Variants in RORA observed in about 807,000 individuals in gnomAD.
The protein encoded by RORA is nuclear receptor ROR-alpha.
A neutral mutation model predicts 69.5 loss-of-function variants in RORA; 7 were observed. That is an observed-to-expected ratio of 0.10 (90% CI 0.06 to 0.19). RORA has a LOEUF of 0.19. Among genes scored for constraint, RORA ranks in the 10% least tolerant of loss-of-function variants. The pLI, the probability that RORA is intolerant of heterozygous loss-of-function variation, is 1.00. For synonymous variants in RORA, 261 were observed against 240.8 expected (o/e 1.08, Z -0.78); for missense variants, 457 against 663.0 (o/e 0.69, Z 3.41).
At chr15:61,141,163 A>G (rs1425800092) in intron 1 of RORA, among the ~76,000 whole-genome samples, 1 of 152,220 alleles carries the variant, frequency 6.6e-6, no homozygotes, top group African/African-American at 2.4e-5. Context: ...TATTTCAGAG[A>G]TATATTTATA....
At chr15:60,875,857 CAGG>C (rs1162828402) in intron 1 of RORA, among the ~76,000 whole-genome samples, 1 of 152,172 alleles carries the variant, frequency 6.6e-6, no homozygotes, top group East Asian at 1.9e-4. Context: ...AGAACGCCTG[CAGG>C]AGGTTAAACA....
chr15:60,494,973 C>G lies in RORA; in HGVS notation c.*2482G>C, dbSNP rs1315473413. Reference sequence around the variant, plus strand: ...TCGACACTGGAATTAGGTTTAGTTGCTCTTTAATGCGCTAGCACCTGAGGC... The same window carrying G: ...TCGACACTGGAATTAGGTTTAGTTGGTCTTTAATGCGCTAGCACCTGAGGC... On this transcript the variant is annotated 3_prime_UTR_variant, in exon 11 of 11. Coordinates refer to ENST00000335670, the MANE Select transcript of RORA (RefSeq NM_134261.3). 6.6e-6 allele frequency: 1 copy of G among 152,152 alleles called. No individual in the cohort carries two copies. The highest frequency in any genetic ancestry group is 1.5e-5 in the Non-Finnish European group (1 of 68,030). 9.4% of individuals were successfully genotyped at this position (152,152 alleles called of 1,614,324 possible).
chr15:60,767,745 A>G (rs1229604453), intron 1 of RORA, among the ~76,000 whole-genome samples: 1 of 152,034 alleles, frequency 6.6e-6, no homozygotes, highest in African/African-American at 2.4e-5. Flanking sequence ...TGTACCTGCA[A>G]ACTCCCTTCT....
In RORA at chr15:60,497,091, CTG is replaced by C. The variant is rs930697266; in HGVS notation, c.*362_*363del. 3.9e-5 allele frequency: 7 copies of C among 177,478 alleles called. No individual in the cohort carries two copies. The highest frequency in any genetic ancestry group is 1.7e-4 in the African/African-American group (7 of 42,296). The allele number at this position is 177,478 out of a possible 1,614,324, so 11.0% of individuals were successfully genotyped here. A position where few individuals can be genotyped will look rare whatever the true frequency, so the allele number is the denominator to read the frequency against. The stretch of plus-strand genomic sequence containing the variant: ...CAGTCACCGATTATTGCTGGACTCT[CTG>C]TTGTTACTGACAGATTGGTGACTCT... On this transcript the variant is annotated 3_prime_UTR_variant, in exon 11 of 11. Coordinates refer to ENST00000335670, the MANE Select transcript of RORA (RefSeq NM_134261.3).
chr15:61,055,295 G>A (rs1046250364), intron 1 of RORA, among the ~76,000 whole-genome samples: 2 of 151,944 alleles, frequency 1.3e-5, no homozygotes, highest in African/African-American at 2.4e-5. Context: ...ACGTTTTTGA[G>A]GGCTGCTTTT....
At chr15:61,135,792 T>G (rs548740073) in intron 1 of RORA, among the ~76,000 whole-genome samples, 2 of 152,310 alleles carry the variant, frequency 1.3e-5, no homozygotes, top group Admixed American at 1.3e-4. Context: ...CGAGCATCAC[T>G]GACAGCCAAA....
At chr15:60,906,076 A>G (rs887010066) in intron 1 of RORA, among the ~76,000 whole-genome samples, 66 of 152,194 alleles carry the variant, frequency 4.3e-4, no homozygotes, top group African/African-American at 1.5e-3. Flanking sequence ...AGTTGGGAAG[A>G]TTTTTATACT....
At chr15:60,546,914 G>T (rs1214049696) in intron 2 of RORA, among the ~76,000 whole-genome samples, 5 of 152,102 alleles carry the variant, frequency 3.3e-5, no homozygotes, top group Non-Finnish European at 7.4e-5. Context: ...ATTTTCCCTC[G>T]TGTTGTCCCT....
At chr15:60,692,150 C>T (rs567200412) in intron 1 of RORA, among the ~76,000 whole-genome samples, 1 of 152,296 alleles carries the variant, frequency 6.6e-6, no homozygotes, top group Admixed American at 6.5e-5. Flanking sequence ...GTCAGCATGC[C>T]ATTCCCATTG....
chr15:60,704,816 T>C (rs1193195173), intron 1 of RORA, among the ~76,000 whole-genome samples: 1 of 152,178 alleles, frequency 6.6e-6, no homozygotes, highest in South Asian at 2.1e-4. Context: ...TTGTACAATA[T>C]TGGCTTGAAG....
In RORA at chr15:61,138,851, T is replaced by A. The variant is rs1019215848; in HGVS notation, c.166+90202A>T. Among the ~76,000 whole-genome samples the A allele has an allele frequency of 1.1e-4, 16 of 151,650 alleles. No homozygotes were observed. The East Asian group carries it at 1.4e-3, about 13-fold the overall frequency. ...ATAAAATAAAAAAATAAATTAAATT[T>A]AAAAAAAACACAGGCCGGGCGCAGT... On this transcript the variant is annotated intron_variant, in intron 1 of 10. Transcript: ENST00000335670.
At chr15:60,561,144 C>T (rs568951800) in intron 2 of RORA, among the ~76,000 whole-genome samples, 5 of 147,174 alleles carry the variant, frequency 3.4e-5, no homozygotes, top group East Asian at 2.0e-4. Flanking sequence ...TGCAGTGGCG[C>T]GATCTCGGCT....
At chr15:60,912,345 C>T (rs543964441) in intron 1 of RORA, among the ~76,000 whole-genome samples, 11 of 152,070 alleles carry the variant, frequency 7.2e-5, no homozygotes, top group Admixed American at 2.6e-4. Flanking sequence ...TCGCTTGAGC[C>T]CACGAGTTCA....
At chr15:60,986,815 C>T (rs3803483) in intron 1 of RORA, among the ~76,000 whole-genome samples, 9,773 of 152,252 alleles carry the variant, frequency 0.064, 446 homozygotes, top group African/African-American at 0.12. Context: ...TGTAGAAGTA[C>T]GGACCAACTT....
rs115863567 is a variant in RORA, at chr15:60,866,898, C to T, written c.167-188212G>A. ...TATCTAGTTTCGAGTCAGAATCTTG[C>T]TCTGTCATCCAGGCTGGAGGGCAGT... is the stretch of plus-strand genomic sequence containing the variant. On this transcript the variant is annotated intron_variant, in intron 1 of 10. Transcript: ENST00000335670. Among the ~76,000 whole-genome samples the T allele has an allele frequency of 3.8e-3, 577 of 151,932 alleles. 9 individuals are homozygous for T. The highest frequency in any genetic ancestry group is 0.013 in the African/African-American group (556 of 41,434).
chr15:60,539,493 G>C (rs1475133449), intron 2 of RORA, among the ~76,000 whole-genome samples: 1 of 152,168 alleles, frequency 6.6e-6, no homozygotes, highest in Non-Finnish European at 1.5e-5. Flanking sequence ...TTTAGATCCA[G>C]TTCTCTCTAG....
intron 1 of RORA, among the ~76,000 whole-genome samples, chr15:60,995,041 G>A (rs780914054): frequency 1.3e-5 from 2 of 152,012 alleles, no homozygotes; most frequent in Non-Finnish European, 2.9e-5. Flanking sequence ...AATGGCTCTC[G>A]CCGCATAAAG....
chr15:60,776,425 G>A (rs574427684), intron 1 of RORA, among the ~76,000 whole-genome samples: 56 of 152,348 alleles, frequency 3.7e-4, no homozygotes, highest in African/African-American at 1.3e-3. Context: ...AAGGCTGCCT[G>A]CTGGGGAGCA....
chr15:60,972,493 A>T (rs553598237), intron 1 of RORA, among the ~76,000 whole-genome samples: 1 of 152,172 alleles, frequency 6.6e-6, no homozygotes, highest in Non-Finnish European at 1.5e-5. Context: ...GGTATGCATA[A>T]ATTCTCCTGT....
Sources: gnomAD v4.1 joint callset for allele counts (sites outside exome capture counted in the v4.1 genomes callset) on GRCh38, gnomAD v4.1.1 for gene constraint, MANE v1.5 for transcripts, NCBI Gene and HGNC (gene_info 2026-07-23, HGNC 2026-07-21) for gene names.